The following TBX1 variants were observed in gnomAD, a reference collection of about 807,000 sequenced individuals.
TBX1 encodes T-box transcription factor 1, also known as T-box transcription factor TBX1.
Under a neutral mutation model 40.8 loss-of-function variants are expected in TBX1, and 16 were observed. The observed-to-expected ratio is 0.39, with a 90% CI of 0.27 to 0.60. The LOEUF (loss-of-function observed/expected upper bound fraction) is 0.60. Among genes scored for constraint, TBX1 ranks in the 20% least tolerant of loss-of-function variants. The pLI is 0.51. For synonymous variants in TBX1, 403 were observed against 336.8 expected, an observed-to-expected ratio of 1.20 and a Z score of -2.15; for missense variants, 755 against 728.5, an observed-to-expected ratio of 1.04 and a Z score of -0.42.
intron 8 of TBX1, among the ~76,000 whole-genome samples, chr22:19,776,543 G>A (rs1042769757): frequency 1.3e-5 from 2 of 152,142 alleles, no homozygotes; most frequent in Non-Finnish European, 2.9e-5. Context: ...CCACCCCAGG[G>A]CCAGGCCTGC....
intron 8 of TBX1, among the ~76,000 whole-genome samples, chr22:19,778,578 G>A (rs1347613862): frequency 6.6e-6 from 1 of 151,820 alleles, no homozygotes; most frequent in Non-Finnish European, 1.5e-5. Context: ...GGGATTACAG[G>A]CATGCGCCAC....
downstream of TBX1, among the ~76,000 whole-genome samples, chr22:19,767,952 G>A (rs1233667982): frequency 6.6e-6 from 1 of 152,226 alleles, no homozygotes; most frequent in East Asian, 1.9e-4. Context: ...TGGCCAGGGG[G>A]CACAATGACA....
chr22:19,760,847 A>T lies in TBX1; in HGVS notation c.4A>T (p.Ile2Phe). 1.0e-6 allele frequency: 1 copy of T among 966,222 alleles called. No homozygotes were observed. Among genetic ancestry groups the T allele is most frequent in the Non-Finnish European group, 1.2e-6 (1 of 806,694 alleles). The allele number at this position is 966,222 out of a possible 1,614,324, so 59.9% of individuals were successfully genotyped here. A position where few individuals can be genotyped will look rare whatever the true frequency, so the allele number is the denominator to read the frequency against. Residue 2 changes from isoleucine to phenylalanine, a missense_variant, in exon 1 of 7, where the codon ATC becomes TTC. By Grantham distance (21) the Ile-to-Phe change is conservative. Transcript: ENST00000649276. ...CGGCGGCGGCGGCCCGCGGGTCATG[A>T]TCTCCGCCGTGTCCAGCCCGTGGCT... Reference protein sequence around the residue: MISAVSSPWLTQ... With the variant: MFSAVSSPWLTQ...
chr22:19,766,758 G>C lies in TBX1; in HGVS notation c.1406G>C (p.Ser469Thr). The C allele has an allele frequency of 6.6e-7, 1 of 1,504,702 alleles. No individual in the cohort carries two copies. Among genetic ancestry groups the C allele is most frequent in the Non-Finnish European group, 8.8e-7 (1 of 1,141,508 alleles). The allele number at this position is 1,504,702 out of a possible 1,614,324, so 93.2% of individuals were successfully genotyped here. A position where few individuals can be genotyped will look rare whatever the true frequency, so the allele number is the denominator to read the frequency against. ...CCGCACCACCACCACCACCCCGTGA[G>C]TCCAGCCGCCGCGGCCGCCGCCGCC... Reference protein sequence around the residue: ...AHPHHHHHPVSPAAAAAAAAA... With the variant: ...AHPHHHHHPVTPAAAAAAAAA... The change falls in exon 7 of 7, where the codon AGT becomes ACT. Residue 469 changes from serine (S) to threonine (T), a missense_variant. Physicochemically the swap from Ser to Thr is moderately conservative, Grantham distance 58. Around this residue, in one of 3 missense-constraint regions of TBX1, gnomAD observed 412 missense variants for 317.6 expected, o/e 1.30. Coordinates refer to ENST00000649276, the MANE Select transcript of TBX1 (RefSeq NM_001379200.1).
At position 19,761,278 on chromosome 22, in the gene TBX1, C is replaced by T; in HGVS notation, c.435C>T (p.Gly145=). The T allele has an allele frequency of 6.5e-7, 1 of 1,549,842 alleles. No individual in the cohort carries two copies. The highest frequency in any genetic ancestry group is 2.6e-5 in the East Asian group (1 of 38,834). ...LGTEMIVTKA[G]RRMFPTFQVK... is the part of the protein sequence containing the mutation. ...CCGAGATGATCGTCACCAAGGCCGG[C>T]AGGTCAGGGCGCCCCTCCCCACGCC... is the stretch of plus-strand genomic sequence containing the variant. The change falls in exon 1 of 7, where the codon GGC becomes GGT. Residue 145 remains glycine, a splice_region_variant and synonymous_variant. Transcript: ENST00000649276.
chr22:19,764,472 T>C (rs2145834421), intron 3 of TBX1, 146 bp downstream of exon 3: 1 of 1,038,184 alleles, frequency 9.6e-7, no homozygotes, highest in East Asian at 2.5e-5. Flanking sequence ...CCCTTTAGAG[T>C]CCCTGCGAGG....
chr22:19,767,584 C>T (rs1442342974), downstream of TBX1, among the ~76,000 whole-genome samples: 1 of 152,238 alleles, frequency 6.6e-6, no homozygotes, highest in African/African-American at 2.4e-5. Flanking sequence ...CCCACCTTCC[C>T]ACCGTCCCGT....
rs780815537 is a variant in TBX1 at position 19,766,762 on chromosome 22, AGCCGCCGCGGCCGCC to A, written c.1419_1433del (p.Ala481_Ala485del). On this transcript the variant is annotated inframe_deletion, in exon 7 of 7. Coordinates refer to ENST00000649276, the MANE Select transcript of TBX1 (RefSeq NM_001379200.1). ...ACCACCACCACCACCCCGTGAGTCC[AGCCGCCGCGGCCGCC>A]GCCGCCGCTGCCGCAGCTGCCGCGG... 2.7e-6 allele frequency: 4 copies of A among 1,488,582 alleles called. No individual in the cohort carries two copies. Among genetic ancestry groups the A allele is most frequent in the South Asian group, 1.3e-5 (1 of 77,696 alleles). The allele number at this position is 1,488,582 out of a possible 1,614,324, so 92.2% of individuals were successfully genotyped here.
At chr22:19,779,110 C>G (rs562607497) in intron 8 of TBX1, 151 of 1,322,122 alleles carry the variant, frequency 1.1e-4, no homozygotes, top group Admixed American at 1.9e-4. Flanking sequence ...CTGTCCTGCC[C>G]TTCCATGCGG....
chr22:19,757,969 G>A (rs1222540830), upstream of TBX1, among the ~76,000 whole-genome samples: 3 of 152,136 alleles, frequency 2.0e-5, no homozygotes, highest in Admixed American at 6.5e-5. Flanking sequence ...CAGGACATGA[G>A]GCACCCCATA....
chr22:19,768,953 CTTTTTTTTTTTT>C (rs36085623), downstream of TBX1, among the ~76,000 whole-genome samples: 2 of 66,108 alleles, frequency 3.0e-5, no homozygotes, highest in East Asian at 5.5e-4. Flanking sequence ...TGTTCGCATT[CTTTTTTTTTTTT>C]TTTTTTTTTT....
intron 3 of TBX1, 131 bp downstream of exon 3, chr22:19,764,457 G>T: frequency 8.2e-7 from 1 of 1,214,348 alleles, no homozygotes; most frequent in Non-Finnish European, 1.2e-6. Flanking sequence ...CTGTCCCCGA[G>T]GAGGCCCTTT....
At chr22:19,771,986 TC>T (rs1339301644), downstream of TBX1, among the ~76,000 whole-genome samples, 1 of 152,234 alleles carries the variant, frequency 6.6e-6, no homozygotes, top group African/African-American at 2.4e-5. Context: ...GCCCTGTCCT[TC>T]CAGGACCTTA....
downstream of TBX1, chr22:19,783,007 C>A: frequency 9.3e-7 from 1 of 1,078,524 alleles, no homozygotes; most frequent in Non-Finnish European, 1.4e-6. Context: ...GACCACCACA[C>A]TGCAAGGACA....
rs1009463279 is a variant in TBX1 at position 19,761,056 on chromosome 22, CCCGCCG to C, written c.224_229del (p.Pro75_Pro76del). The C allele has an allele frequency of 2.2e-6, 2 of 896,868 alleles. No homozygotes were observed. Among genetic ancestry groups the C allele is most frequent in the African/African-American group, 1.8e-5 (1 of 54,622 alleles). The allele number at this position is 896,868 out of a possible 1,614,324, so 55.6% of individuals were successfully genotyped here. Reference sequence around the variant, plus strand: ...CCGCCGCCGCCCCCGGCGCCCCGGGCCCGCCGCCGCCGCCGCACGCCTACCCGTTTG... The same window carrying C: ...CCGCCGCCGCCCCCGGCGCCCCGGGCCCGCCGCCGCACGCCTACCCGTTTG... On this transcript the variant is annotated inframe_deletion, in exon 1 of 7. Transcript: ENST00000649276.
At chr22:19,767,566 G>A (rs1207304622), downstream of TBX1, among the ~76,000 whole-genome samples, 3 of 152,016 alleles carry the variant, frequency 2.0e-5, no homozygotes, top group Non-Finnish European at 4.4e-5. Context: ...CCAGGCCTGT[G>A]CACTCCCCCC....
At chr22:19,781,630 T>C (rs1937143889), downstream of TBX1, among the ~76,000 whole-genome samples, 1 of 152,240 alleles carries the variant, frequency 6.6e-6, no homozygotes, top group Non-Finnish European at 1.5e-5. Flanking sequence ...AAATTCAATG[T>C]CATGAAGCTT....
At chr22:19,782,800 C>A, downstream of TBX1, 8 of 1,593,302 alleles carry the variant, frequency 5.0e-6, no homozygotes, top group Non-Finnish European at 6.9e-6. Context: ...TGTGTTCACT[C>A]TTTCTTGCTA....
At chr22:19,769,423 T>C (rs776126043), downstream of TBX1, among the ~76,000 whole-genome samples, 5 of 152,206 alleles carry the variant, frequency 3.3e-5, no homozygotes, top group Admixed American at 3.3e-4. Context: ...TTTCCTCCCC[T>C]CCACCTTTGT....
Sources: allele counts gnomAD v4.1 joint callset (sites outside exome capture counted in the v4.1 genomes callset), GRCh38; gene constraint gnomAD v4.1.1; regional missense constraint gnomAD v4.1.1; transcripts MANE v1.5; gene names NCBI Gene and HGNC (gene_info 2026-07-23, HGNC 2026-07-21).